UBAP1: variants seen among roughly 807,000 people sequenced by gnomAD.
The protein encoded by UBAP1 is ubiquitin associated protein 1.
A neutral mutation model predicts 39.0 loss-of-function variants in UBAP1; 5 were observed. That is an observed-to-expected ratio of 0.13 (90% CI 0.07 to 0.27). UBAP1 has a LOEUF of 0.27. Among genes scored for constraint, UBAP1 ranks in the 10% least tolerant of loss-of-function variants. UBAP1 has a pLI of 1.00. For synonymous variants in UBAP1, 211 were observed against 225.1 expected, an observed-to-expected ratio of 0.94 and a Z score of 0.56; for missense variants, 490 against 608.1, an observed-to-expected ratio of 0.81 and a Z score of 2.04.
chr9:34,215,855 A>G (rs1832282434), intron 1 of UBAP1, among the ~76,000 whole-genome samples: 1 of 152,028 alleles, frequency 6.6e-6, no homozygotes, highest in Admixed American at 6.6e-5. Flanking sequence ...GAGCTTTGAG[A>G]GACTGAAGTT....
intron 1 of UBAP1, among the ~76,000 whole-genome samples, chr9:34,183,450 C>T (rs1434710552): frequency 6.6e-6 from 1 of 150,496 alleles, no homozygotes; most frequent in African/African-American, 2.4e-5. Context: ...GAGGCTGAGG[C>T]AGGAGAATGG....
At chr9:34,217,602 G>A (rs565636058) in intron 1 of UBAP1, among the ~76,000 whole-genome samples, 1 of 149,690 alleles carries the variant, frequency 6.7e-6, no homozygotes, top group African/African-American at 2.5e-5. Context: ...TGATTCGGGG[G>A]CACATGTGCG....
At chr9:34,205,055 A>G (rs963436553) in intron 1 of UBAP1, among the ~76,000 whole-genome samples, 1 of 152,076 alleles carries the variant, frequency 6.6e-6, no homozygotes, top group Non-Finnish European at 1.5e-5. Context: ...CCAGAGTGAG[A>G]GTGCAGGCTG....
intron 3 of UBAP1, among the ~76,000 whole-genome samples, chr9:34,236,914 T>C (rs1833726743): frequency 6.6e-6 from 1 of 152,020 alleles, no homozygotes; most frequent in African/African-American, 2.4e-5. Context: ...TCCTCCATGT[T>C]CCCTCCAAAC....
intron 2 of UBAP1, chr9:34,224,127 G>T: frequency 1.4e-6 from 1 of 737,694 alleles, no homozygotes; most frequent in Non-Finnish European, 2.1e-6. Flanking sequence ...TGCTCCTCCA[G>T]GAGACTGCTG....
At chr9:34,214,998 T>C (rs1349020350) in intron 1 of UBAP1, among the ~76,000 whole-genome samples, 3 of 152,124 alleles carry the variant, frequency 2.0e-5, no homozygotes, top group Admixed American at 1.3e-4. Context: ...GTGGATGCAG[T>C]GATCAGGCAA....
chr9:34,237,215 A>C (rs1405652687), intron 3 of UBAP1, among the ~76,000 whole-genome samples: 2 of 136,978 alleles, frequency 1.5e-5, no homozygotes, highest in African/African-American at 2.6e-5. Flanking sequence ...TGTTTATGAG[A>C]GGTGGTCTAC....
chr9:34,226,905 A>G (rs915121558), intron 2 of UBAP1, among the ~76,000 whole-genome samples: 1 of 152,058 alleles, frequency 6.6e-6, no homozygotes, highest in Admixed American at 6.6e-5. Context: ...TTGTCTCTTT[A>G]TATTTCCATC....
intron 6 of UBAP1, 23 bp downstream of exon 6, chr9:34,250,782 G>A (rs1834454016): frequency 6.3e-7 from 1 of 1,594,814 alleles, no homozygotes; most frequent in East Asian, 2.2e-5. Flanking sequence ...ATGTTTCTTG[G>A]GAACCCTCTG....
intron 4 of UBAP1, among the ~76,000 whole-genome samples, chr9:34,243,731 C>T (rs895054605): frequency 1.3e-5 from 2 of 151,966 alleles, no homozygotes; most frequent in African/African-American, 2.4e-5. Flanking sequence ...CTCAAGTGAT[C>T]CACCCGCCTC....
At chr9:34,218,250 C>CAAAAAAAAAAAAAAA (rs758443973) in intron 1 of UBAP1, among the ~76,000 whole-genome samples, 8 of 49,524 alleles carry the variant, frequency 1.6e-4, no homozygotes, top group African/African-American at 2.8e-4. Flanking sequence ...GACTCCATCT[C>CAAAAAAAAAAAAAAA]AAAAAAAAAA....
At chr9:34,181,405 C>T (rs905381097) in intron 1 of UBAP1, among the ~76,000 whole-genome samples, 32 of 151,116 alleles carry the variant, frequency 2.1e-4, no homozygotes, top group Non-Finnish European at 3.1e-4. Flanking sequence ...CGTGAGCCAC[C>T]GCGCCCGGCC....
chr9:34,192,146 T>C (rs1830761321), intron 1 of UBAP1, among the ~76,000 whole-genome samples: 1 of 150,682 alleles, frequency 6.6e-6, no homozygotes. Context: ...CCCCGGCCTG[T>C]ATAAACTTTT....
At chr9:34,234,389 A>G (rs1310096366) in intron 3 of UBAP1, 49 bp downstream of exon 3, 22 of 1,549,854 alleles carry the variant, frequency 1.4e-5, no homozygotes, top group Non-Finnish European at 1.6e-5. Flanking sequence ...AAGTTTAAAG[A>G]GTAAGAATTT....
chr9:34,247,456 G>T (rs376442475), intron 4 of UBAP1, among the ~76,000 whole-genome samples: 1 of 151,438 alleles, frequency 6.6e-6, no homozygotes, highest in Non-Finnish European at 1.5e-5. Flanking sequence ...ACGGTGTCTC[G>T]CTGTGTCAAC....
chr9:34,183,567 A>AG (rs1335794813), intron 1 of UBAP1, among the ~76,000 whole-genome samples: 1 of 151,172 alleles, frequency 6.6e-6, no homozygotes, highest in African/African-American at 2.4e-5. Context: ...AAAAAAAAAA[A>AG]ACATTAAATA....
intron 1 of UBAP1, among the ~76,000 whole-genome samples, chr9:34,182,627 CTTT>C (rs1563880904): frequency 5.6e-4 from 26 of 46,212 alleles, no homozygotes; most frequent in African/African-American, 1.4e-3. Context: ...TTCTTTCTTT[CTTT>C]CTTTCTTTCT....
chr9:34,226,964 G>A (rs1412831890), intron 2 of UBAP1, among the ~76,000 whole-genome samples: 1 of 151,866 alleles, frequency 6.6e-6, no homozygotes, highest in Non-Finnish European at 1.5e-5. Flanking sequence ...TTTTCCATTA[G>A]ACCCTTTAAC....
intron 2 of UBAP1, among the ~76,000 whole-genome samples, chr9:34,230,623 T>G (rs902879090): frequency 6.6e-6 from 1 of 152,216 alleles, no homozygotes; most frequent in African/African-American, 2.4e-5. Context: ...GCTTTTGTTC[T>G]AATCTTTTAA....
Sources: allele counts gnomAD v4.1 joint callset (sites outside exome capture counted in the v4.1 genomes callset), GRCh38; gene constraint gnomAD v4.1.1; transcripts MANE v1.5; gene names NCBI Gene and HGNC (gene_info 2026-07-23, HGNC 2026-07-21).